The following CXCL16 variants were observed in gnomAD, a reference collection of about 807,000 sequenced individuals.
CXCL16 encodes C-X-C motif chemokine 16.
Under a neutral mutation model 23.8 loss-of-function variants are expected in CXCL16, and 18 were observed. The ratio of observed to expected loss-of-function variants is 0.76; its 90% CI spans 0.52 to 1.12. The LOEUF (loss-of-function observed/expected upper bound fraction) is 1.12, where lower values mean the gene tolerates loss of function less well. CXCL16 is among the 50% of genes most tolerant of loss of function. CXCL16 has a pLI of 0.00. For synonymous variants in CXCL16, 123 were observed against 132.5 expected, an observed-to-expected ratio of 0.93 and a Z score of 0.49; for missense variants, 297 against 315.4, an observed-to-expected ratio of 0.94 and a Z score of 0.44.
Position 4,739,368 on chromosome 17 carries a change from G to T in CXCL16, c.-29C>A, listed in dbSNP as rs1442495834. ...GGGGCTCCGCGGACTCTGCGGGGATGGAGCCACCTCGCTCTGACTCCCAGA... is the reference window on the plus strand; with the variant it reads ...GGGGCTCCGCGGACTCTGCGGGGATTGAGCCACCTCGCTCTGACTCCCAGA... On this transcript the variant is annotated 5_prime_UTR_variant, in exon 1 of 6. Transcript: ENST00000293778. The surrounding 1 kb of genome is among the most constrained non-coding windows in gnomAD (Gnocchi z 5.3). The T allele has an allele frequency of 6.2e-7, 1 of 1,612,866 alleles. No individual in the cohort carries two copies. The highest frequency in any genetic ancestry group is 1.3e-5 in the African/African-American group (1 of 75,012).
chr17:4,738,756 G>T lies in CXCL16; in HGVS notation c.218+26C>A. 1 of 1,611,692 alleles carries T rather than the reference G, an allele frequency of 6.2e-7. No homozygotes were observed. The highest frequency in any genetic ancestry group is 1.1e-5 in the South Asian group (1 of 90,940). ...TGCAAGGAGGGGCCGCCCAGGCGCTGCCCTCGCAGAGGCAGGTAAAATTAC... is the reference window on the plus strand; with the variant it reads ...TGCAAGGAGGGGCCGCCCAGGCGCTTCCCTCGCAGAGGCAGGTAAAATTAC... On this transcript the variant is annotated intron_variant, in intron 2 of 5. Coordinates refer to ENST00000293778, the MANE Select transcript of CXCL16 (RefSeq NM_001386809.1). The surrounding 1 kb of genome is among the most constrained non-coding windows in gnomAD (Gnocchi z 4.0).
rs921599066 is a variant in CXCL16, at chr17:4,739,405, G to C, written c.-66C>G. Reference sequence around the variant, plus strand: ...CTCTGACTCCCAGACATGCTCCGGCGCGTGACGTCCAGCTGGTGTCTCAAT... The same window carrying C: ...CTCTGACTCCCAGACATGCTCCGGCCCGTGACGTCCAGCTGGTGTCTCAAT... On this transcript the variant is annotated 5_prime_UTR_variant, in exon 1 of 6. Transcript: ENST00000293778. This position sits in a 1 kb window ranked among gnomAD's most constrained non-coding sequence, Gnocchi z 5.3. 23 of 1,610,140 alleles carry C rather than the reference G, an allele frequency of 1.4e-5. No individual in the cohort carries two copies. The African/African-American group carries it at 2.9e-4, about 21-fold the overall frequency.
At position 4,738,758 on chromosome 17, in the gene CXCL16, C is replaced by T; in HGVS notation, c.218+24G>A. The T allele has an allele frequency of 3.1e-6, 5 of 1,611,998 alleles. No homozygotes were observed. Among genetic ancestry groups the T allele is most frequent in the Non-Finnish European group, 4.2e-6 (5 of 1,178,764 alleles). On this transcript the variant is annotated intron_variant, in intron 2 of 5. Transcript: ENST00000293778. This position sits in a 1 kb window ranked among gnomAD's most constrained non-coding sequence, Gnocchi z 4.0. ...CAAGGAGGGGCCGCCCAGGCGCTGC[C>T]CTCGCAGAGGCAGGTAAAATTACCT...
Position 4,739,925 on chromosome 17 carries a change from C to T in CXCL16, c.-586G>A, listed in dbSNP as rs1189969925. The stretch of plus-strand genomic sequence containing the variant: ...CCTGCGGGGCAGCCACCCGCGGACG[C>T]ACCGAGCCCGGGGGGCGTGGCCGCC... On this transcript the variant is annotated 5_prime_UTR_variant, in exon 1 of 6. Coordinates refer to ENST00000293778, the MANE Select transcript of CXCL16 (RefSeq NM_001386809.1). This position sits in a 1 kb window ranked among gnomAD's most constrained non-coding sequence, Gnocchi z 5.3. The T allele has an allele frequency of 2.0e-6, 2 of 985,306 alleles. No individual in the cohort carries two copies. The highest frequency in any genetic ancestry group is 2.4e-6 in the Non-Finnish European group (2 of 829,992). 61.0% of individuals were successfully genotyped at this position (985,306 alleles called of 1,614,324 possible).
intron 3 of CXCL16, chr17:4,736,515 A>AAAGTAGCTGTGTAACCTC (rs778103514): frequency 6.6e-6 from 1 of 152,228 alleles, no homozygotes; most frequent in East Asian, 1.9e-4. Context: ...GCTCTGCTGT[A>AAAGTAGCTGTGTAACCTC]AAGTAGCTGT....
chr17:4,739,310 G>A lies in CXCL16; in HGVS notation c.30C>T (p.Arg10=), dbSNP rs1270382611. MGRDLRPGS[R]VLLLLLLLLL... ...GGAGCAGAAGCAGGAGCAGGAGCAC[G>A]CGGGACCCGGGCCGCAAGTCCCGTC... Residue 10 remains arginine (R), a synonymous_variant, in exon 1 of 6, where the codon CGC becomes CGT. Transcript: ENST00000293778. This position sits in a 1 kb window ranked among gnomAD's most constrained non-coding sequence, Gnocchi z 5.3. 6.2e-7 allele frequency: 1 copy of A among 1,612,228 alleles called. No homozygotes were observed. Among genetic ancestry groups the A allele is most frequent in the South Asian group, 1.1e-5 (1 of 90,744 alleles).
At chr17:4,735,877 C>G (rs903189945) in intron 3 of CXCL16, among the ~76,000 whole-genome samples, 1 of 152,002 alleles carries the variant, frequency 6.6e-6, no homozygotes, top group African/African-American at 2.4e-5. Flanking sequence ...AGTTCGAGAC[C>G]AGTCTGACCA....
intron 5 of CXCL16, 49 bp from the exon 6 acceptor site, chr17:4,734,528 TGTC>T (rs1168068165): frequency 1.7e-6 from 2 of 1,178,606 alleles, no homozygotes; most frequent in African/African-American, 3.0e-5. Context: ...CCTACCATGT[TGTC>T]AGGGGTCAGT....
At chr17:4,734,796 G>A in intron 4 of CXCL16, 144 bp from the exon 5 acceptor site, 2 of 767,790 alleles carry the variant, frequency 2.6e-6, no homozygotes, top group Non-Finnish European at 2.3e-6. Context: ...TTTGTGAATT[G>A]AATGACTGGC....
At position 4,738,912 on chromosome 17, in the gene CXCL16, T is replaced by C. The variant is rs1916249621; in HGVS notation, c.88A>G (p.Asn30Asp). 2 of 1,613,722 alleles carry C rather than the reference T, an allele frequency of 1.2e-6. No individual in the cohort carries two copies. Among genetic ancestry groups the C allele is most frequent in the Non-Finnish European group, 1.7e-6 (2 of 1,179,894 alleles). ...LVYLTQPGNGNEGSVTGSCYC... is the reference protein window; with the variant it reads ...LVYLTQPGNGDEGSVTGSCYC... ...CAACTTCCAGTGACGCTGCCCTCGT[T>C]GCCATTGCCTGCGCGGGACGGAGGT... Residue 30 changes from asparagine to aspartate, a missense_variant, in exon 2 of 6, where the codon AAC (asparagine) becomes GAC (aspartate). By Grantham distance (23) the Asn-to-Asp change is conservative (BLOSUM62 1). Coordinates refer to ENST00000293778, the MANE Select transcript of CXCL16 (RefSeq NM_001386809.1). The surrounding 1 kb of genome is among the most constrained non-coding windows in gnomAD (Gnocchi z 4.0).
In CXCL16 at chr17:4,735,296, T is replaced by C. The variant is rs767764513; in HGVS notation, c.514A>G (p.Ile172Val). The change falls in exon 4 of 6, where the codon ATT (isoleucine) becomes GTT (valine). Residue 172 changes from isoleucine (I) to valine (V), a missense_variant. Ile to Val is a conservative substitution (Grantham distance 29, BLOSUM62 3). Transcript: ENST00000293778. ...GCCAGACTGTGGCCCGCAGTGTGAA[T>C]GGTGGTTTCATTGGGACGAGTGAGC... ...KELTRPNETT[I>V]HTAGHSLAAG... 3.7e-6 allele frequency: 6 copies of C among 1,614,114 alleles called. No individual in the cohort carries two copies. In the South Asian group the frequency reaches 4.4e-5, roughly 12 times the overall value.
chr17:4,735,209 T>C lies in CXCL16; in HGVS notation c.601A>G (p.Arg201Gly). Residue 201 changes from arginine (R) to glycine (G), a missense_variant, in exon 4 of 6, where the codon AGG becomes GGG. Arg to Gly is a moderately radical substitution (Grantham distance 125). Coordinates refer to ENST00000293778, the MANE Select transcript of CXCL16 (RefSeq NM_001386809.1). ...QPEKNAGPTA[R>G]TSATVPVLCL... Reference sequence around the variant, plus strand: ...AGGACTGGCACTGTGGCTGATGTCCTGGCTGTGGGACCAGCATTTTTTTCC... The same window carrying C: ...AGGACTGGCACTGTGGCTGATGTCCCGGCTGTGGGACCAGCATTTTTTTCC... 1 of 1,614,178 alleles carries C rather than the reference T, an allele frequency of 6.2e-7. No homozygotes were observed. Among genetic ancestry groups the C allele is most frequent in the Non-Finnish European group, 8.5e-7 (1 of 1,180,004 alleles).
At chr17:4,737,575 T>TAAAAAA (rs55694753) in intron 3 of CXCL16, among the ~76,000 whole-genome samples, 4 of 42,032 alleles carry the variant, frequency 9.5e-5, no homozygotes, top group Non-Finnish European at 1.3e-4. Context: ...AAGACTCCAT[T>TAAAAAA]AAAAAAAAAA....
intron 3 of CXCL16, among the ~76,000 whole-genome samples, chr17:4,736,080 AAAG>A (rs34680313): frequency 0.36 from 53,532 of 149,532 alleles, 11,004 homozygotes; most frequent in East Asian, 0.58. Flanking sequence ...CAAAAAAAAA[AAAG>A]AAGTATGATT....
chr17:4,734,450 A>C lies in CXCL16; in HGVS notation c.*53T>G, dbSNP rs1916089628. On this transcript the variant is annotated 3_prime_UTR_variant, in exon 6 of 6. Coordinates refer to ENST00000293778, the MANE Select transcript of CXCL16 (RefSeq NM_001386809.1). ...GAGGATCACTTGACTCAGGAGTTCC[A>C]TAACAGCCTGGGCAACATAGAGTCC... 1 of 570,110 alleles carries C rather than the reference A, an allele frequency of 1.8e-6. No individual in the cohort carries two copies. The highest frequency in any genetic ancestry group is 1.8e-5 in the South Asian group (1 of 54,428). The allele number at this position is 570,110 out of a possible 1,614,324, so 35.3% of individuals were successfully genotyped here.
rs1916256236 is a variant in CXCL16 at position 4,739,060 on chromosome 17, TCAC to T, written c.80-143_80-141del. ...AGCGCCAGGCTCAACCCACACATCA[TCAC>T]GCCCCCGACAACATCCATAATCCCG... On this transcript the variant is annotated intron_variant, in intron 1 of 5. Transcript: ENST00000293778. The surrounding 1 kb of genome is among the most constrained non-coding windows in gnomAD (Gnocchi z 5.3). 2.8e-5 allele frequency: 34 copies of T among 1,204,854 alleles called. No individual in the cohort carries two copies. In the South Asian group the frequency reaches 5.0e-4, roughly 18 times the overall value. The allele number at this position is 1,204,854 out of a possible 1,614,324, so 74.6% of individuals were successfully genotyped here.
intron 3 of CXCL16, chr17:4,736,280 G>A (rs1039030077): frequency 6.6e-6 from 1 of 152,140 alleles, no homozygotes; most frequent in Admixed American, 6.6e-5. Flanking sequence ...AGCAGAGTGA[G>A]CTACTTACTT....
chr17:4,736,770 A>T lies in CXCL16; in HGVS notation c.302-1262T>A, dbSNP rs528650333. Reference sequence around the variant, plus strand: ...GGTTGTATATTTATTTTAAGAGAAAAATATAACCAATGCATCAAACTTGTG... The same window carrying T: ...GGTTGTATATTTATTTTAAGAGAAATATATAACCAATGCATCAAACTTGTG... On this transcript the variant is annotated intron_variant, in intron 3 of 5. Coordinates refer to ENST00000293778, the MANE Select transcript of CXCL16 (RefSeq NM_001386809.1). Among the ~76,000 whole-genome samples, 174 of 152,310 alleles carry T rather than the reference A, an allele frequency of 1.1e-3. 1 individual carries two copies. The highest frequency in any genetic ancestry group is 4.0e-3 in the African/African-American group (165 of 41,570).
rs977223818 is a variant in CXCL16, at chr17:4,733,564, A to G, written c.*939T>C. On this transcript the variant is annotated 3_prime_UTR_variant, in exon 6 of 6. Coordinates refer to ENST00000293778, the MANE Select transcript of CXCL16 (RefSeq NM_001386809.1). ...GAGACAAAACAAGAACTAGAGTTTT[A>G]ATGATAATAAAAGCAATAATAATAA... The G allele has an allele frequency of 6.2e-5, 11 of 177,658 alleles. No homozygotes were observed. The South Asian group carries it at 1.4e-3, about 22-fold the overall frequency. 11.0% of individuals were successfully genotyped at this position (177,658 alleles called of 1,614,324 possible).
Sources: allele counts gnomAD v4.1 joint callset (sites outside exome capture counted in the v4.1 genomes callset), GRCh38; gene constraint gnomAD v4.1.1; non-coding constraint Gnocchi (gnomAD v3.1); transcripts MANE v1.5; gene names NCBI Gene and HGNC (gene_info 2026-07-23, HGNC 2026-07-21).